BAZ1A: variants seen among roughly 807,000 people sequenced by gnomAD.
BAZ1A encodes bromodomain adjacent to zinc finger domain protein 1A.
A neutral mutation model predicts 185.2 loss-of-function variants in BAZ1A; 50 were observed. The ratio of observed to expected loss-of-function variants is 0.27; its 90% confidence interval spans 0.22 to 0.34. The LOEUF (loss-of-function observed/expected upper bound fraction) is 0.34. BAZ1A is among the 10% of genes least tolerant of loss of function. The pLI is 1.00. For synonymous variants in BAZ1A, 571 were observed against 615.6 expected (o/e 0.93, Z 1.07); for missense variants, 1,356 against 1,839.9 (o/e 0.74, Z 4.81).
At position 34,855,079 on chromosome 14, in the gene BAZ1A, AAAT is replaced by A. The variant is rs544647335; in HGVS notation, c.392+6962_392+6964del. On this transcript the variant is annotated intron_variant, in intron 3 of 26. Coordinates refer to ENST00000360310, the MANE Select transcript of BAZ1A (RefSeq NM_013448.3). Reference sequence around the variant, plus strand: ...GGGCGACAGAGTGTAACTACGTCTCAAATAATAATAATAATAATATAATAATAC... The same window carrying A: ...GGGCGACAGAGTGTAACTACGTCTCAAATAATAATAATAATATAATAATAC... Among the ~76,000 whole-genome samples the A allele has an allele frequency of 5.3e-5, 8 of 151,976 alleles. No homozygotes were observed. The East Asian group carries it at 1.5e-3, about 29-fold the overall frequency.
At chr14:34,837,412 T>TG (rs2138746833) in intron 3 of BAZ1A, among the ~76,000 whole-genome samples, 1 of 151,336 alleles carries the variant, frequency 6.6e-6, no homozygotes, top group South Asian at 2.1e-4. Flanking sequence ...AGCTAATTTT[T>TG]TTTTTTTGTA....
At chr14:34,793,962 AAG>A (rs1881030566) in intron 11 of BAZ1A, among the ~76,000 whole-genome samples, 1 of 151,314 alleles carries the variant, frequency 6.6e-6, no homozygotes, top group Non-Finnish European at 1.5e-5. Flanking sequence ...AAAAGAAAAA[AAG>A]AAAAAAAAAA....
chr14:34,827,294 G>T (rs540529305), intron 3 of BAZ1A, among the ~76,000 whole-genome samples: 1 of 152,276 alleles, frequency 6.6e-6, no homozygotes, highest in African/African-American at 2.4e-5. Flanking sequence ...ACGTCTAGTT[G>T]ATTTATTGTG....
At chr14:34,758,585 A>G (rs1886373307) in intron 25 of BAZ1A, 119 bp downstream of exon 25, 4 of 1,058,484 alleles carry the variant, frequency 3.8e-6, no homozygotes, top group Non-Finnish European at 4.0e-6. Flanking sequence ...CTCAGGAAAA[A>G]ACAACAACAA....
At chr14:34,758,640 A>T in intron 25 of BAZ1A, 64 bp downstream of exon 25, 1 of 1,535,370 alleles carries the variant, frequency 6.5e-7, no homozygotes, top group African/African-American at 1.4e-5. Flanking sequence ...GACTACTTCA[A>T]AGTTATCACG....
intron 25 of BAZ1A, among the ~76,000 whole-genome samples, chr14:34,758,260 G>A (rs1051646863): frequency 6.6e-5 from 10 of 151,626 alleles, no homozygotes; most frequent in Non-Finnish European, 1.0e-4. Context: ...CGGCCTGGGC[G>A]ACAGAAACCC....
At chr14:34,788,908 A>G (rs184507017) in intron 12 of BAZ1A, among the ~76,000 whole-genome samples, 12 of 152,318 alleles carry the variant, frequency 7.9e-5, no homozygotes, top group African/African-American at 2.4e-4. Flanking sequence ...AATTAACCTT[A>G]GAGAACAGTC....
Position 34,780,256 on chromosome 14 carries a change from T to C in BAZ1A, c.2166A>G (p.Gln722=). 1 of 1,613,688 alleles carries C rather than the reference T, an allele frequency of 6.2e-7. No homozygotes were observed. The highest frequency in any genetic ancestry group is 8.5e-7 in the Non-Finnish European group (1 of 1,179,802). ...DTSIESKDTE[Q]KELDQDMVTE... ...TGACCATATCTTGATCTAATTCCTT[T>C]TGCTCTGTGTCTTTGCTCTCAATGC... The change falls in exon 17 of 27, where the codon CAA becomes CAG. Residue 722 remains glutamine, a synonymous_variant. Coordinates refer to ENST00000360310, the MANE Select transcript of BAZ1A (RefSeq NM_013448.3).
In BAZ1A at chr14:34,764,726, G is replaced by C; in HGVS notation, c.3757C>G (p.Gln1253Glu). The C allele has an allele frequency of 1.2e-6, 2 of 1,609,010 alleles. No homozygotes were observed. Among genetic ancestry groups the C allele is most frequent in the Admixed American group, 1.7e-5 (1 of 59,100 alleles). ...YEVEQDEDDS[Q>E]EEEEVSLPKR... ...ACTTACCTGACTTCTTCCTCTTCTT[G>C]AGAGTCATCTTCATCTTGTTCTACC... The change falls in exon 23 of 27, where the codon CAA (glutamine) becomes GAA (glutamate). Residue 1253 changes from glutamine (Q) to glutamate (E), a missense_variant. Gln to Glu is a conservative substitution (Grantham distance 29, BLOSUM62 2). This residue lies in a region of BAZ1A where 309 missense variants were observed against 355.3 expected (regional missense o/e 0.87). Coordinates refer to ENST00000360310, the MANE Select transcript of BAZ1A (RefSeq NM_013448.3).
intron 9 of BAZ1A, among the ~76,000 whole-genome samples, chr14:34,799,239 TG>T (rs535843293): frequency 2.7e-4 from 19 of 71,686 alleles, no homozygotes; most frequent in African/African-American, 9.4e-4. Flanking sequence ...TGTTGTGGGG[TG>T]GGGGGAGGGG....
intron 4 of BAZ1A, among the ~76,000 whole-genome samples, chr14:34,821,970 G>A (rs935248199): frequency 6.6e-6 from 1 of 150,754 alleles, no homozygotes; most frequent in Non-Finnish European, 1.5e-5. Flanking sequence ...CCCAACAAGA[G>A]CAAAACCCCA....
At chr14:34,844,123 G>A (rs1218467936) in intron 3 of BAZ1A, among the ~76,000 whole-genome samples, 2 of 149,246 alleles carry the variant, frequency 1.3e-5, no homozygotes, top group Admixed American at 6.7e-5. Flanking sequence ...GGAGAATGGC[G>A]TGAATCCGGG....
chr14:34,788,408 A>G (rs1880630179), intron 12 of BAZ1A, among the ~76,000 whole-genome samples: 1 of 152,132 alleles, frequency 6.6e-6, no homozygotes, highest in African/African-American at 2.4e-5. Flanking sequence ...GGCTCAAGCC[A>G]TCCTCCCACC....
At chr14:34,772,814 G>T (rs1182621026) in intron 20 of BAZ1A, among the ~76,000 whole-genome samples, 1 of 152,086 alleles carries the variant, frequency 6.6e-6, no homozygotes, top group African/African-American at 2.4e-5. Flanking sequence ...GGCATCACAA[G>T]GTCAGGAGAT....
At chr14:34,783,684 A>C (rs1880206260) in intron 15 of BAZ1A, 78 bp downstream of exon 15, 2 of 1,530,088 alleles carry the variant, frequency 1.3e-6, no homozygotes, top group Admixed American at 4.0e-5. Context: ...GCCACATTAT[A>C]GCACCATGTG....
intron 11 of BAZ1A, among the ~76,000 whole-genome samples, chr14:34,794,206 C>A (rs937017441): frequency 3.9e-5 from 6 of 152,044 alleles, no homozygotes; most frequent in Admixed American, 1.3e-4. Context: ...ATTATTTTAC[C>A]ATGTGACAGC....
rs146399399 is a variant in BAZ1A at position 34,872,479 on chromosome 14, C to T, written c.113+2013G>A. ...GTGGTGGCATGCACCTGCAATCCCA[C>T]ACTCAGGAGGCTAAGGTGGTAAGGT... On this transcript the variant is annotated intron_variant, in intron 2 of 26. Coordinates refer to ENST00000360310, the MANE Select transcript of BAZ1A (RefSeq NM_013448.3). Among the ~76,000 whole-genome samples the T allele has an allele frequency of 8.2e-4, 104 of 126,280 alleles. 1 individual carries two copies. Among genetic ancestry groups the T allele is most frequent in the Middle Eastern group, 3.9e-3 (1 of 258 alleles). The allele number at this position is 126,280 out of a possible 152,430, so 82.8% of individuals were successfully genotyped here. A position where few individuals can be genotyped will look rare whatever the true frequency, so the allele number is the denominator to read the frequency against.
chr14:34,812,723 G>C (rs2041947359), intron 4 of BAZ1A, among the ~76,000 whole-genome samples: 2 of 152,292 alleles, frequency 1.3e-5, no homozygotes, highest in South Asian at 4.1e-4. Context: ...AGATGATTAA[G>C]AGAAGCATTG....
chr14:34,794,646 C>CGA, intron 11 of BAZ1A, 103 bp downstream of exon 11: 1 of 1,202,066 alleles, frequency 8.3e-7, no homozygotes, highest in Non-Finnish European at 1.2e-6. Context: ...AGAGAGATCC[C>CGA]AACTCCAGTG....
Sources: allele counts gnomAD v4.1 joint callset (sites outside exome capture counted in the v4.1 genomes callset), GRCh38; gene constraint gnomAD v4.1.1; regional missense constraint gnomAD v4.1.1; transcripts MANE v1.5; gene names NCBI Gene and HGNC (gene_info 2026-07-23, HGNC 2026-07-21).